The following DGKK variants were observed in gnomAD, a reference collection of about 807,000 sequenced individuals.
DGKK encodes 142 kDa diacylglycerol kinase.
A neutral mutation model predicts 92.2 loss-of-function variants in DGKK; 35 were observed. The observed-to-expected ratio is 0.38, with a 90% confidence interval of 0.29 to 0.50. The LOEUF (loss-of-function observed/expected upper bound fraction) is 0.50. Ranked by LOEUF, DGKK falls within the 20% of genes least tolerant of loss-of-function variation. The probability of loss-of-function intolerance (pLI) is 0.92; values close to 1 mark genes in which losing one functional copy is unlikely to be tolerated. For missense variants in DGKK, 910 were observed against 992.2 expected (o/e 0.92, Z 1.11); for synonymous variants, 368 against 360.6 (o/e 1.02, Z -0.23).
intron 4 of DGKK, among the ~76,000 whole-genome samples, chrX:50,407,898 T>C (rs1557227442): frequency 8.9e-6 from 1 of 112,272 alleles, no homozygotes; most frequent in Non-Finnish European, 1.9e-5. Context: ...AACTTGGACT[T>C]AAGGGTACAG....
At chrX:50,439,369 T>G (rs1926113753) in intron 1 of DGKK, among the ~76,000 whole-genome samples, 1 of 111,638 alleles carries the variant, frequency 9.0e-6, no homozygotes, top group African/African-American at 3.3e-5. Context: ...TCATTTAACT[T>G]AAAAACCTTT....
At chrX:50,434,917 G>A (rs1258863479) in intron 1 of DGKK, among the ~76,000 whole-genome samples, 1 of 111,672 alleles carries the variant, frequency 9.0e-6, no homozygotes, top group Non-Finnish European at 1.9e-5. Context: ...TGAGAAACAT[G>A]TCATTAGGCC....
rs1322184647 is a variant in DGKK at position 50,394,469 on chromosome X, G to C, written c.1412-1134C>G. Among the ~76,000 whole-genome samples, 3 of 111,978 alleles carry C rather than the reference G, an allele frequency of 2.7e-5. No homozygotes were observed. The East Asian group carries it at 8.4e-4, about 31-fold the overall frequency. Reference sequence around the variant, plus strand: ...GACTTGCCAGGACTCACAGCTACAAGGGGAGTCTTGTAGAAGCTGGGTCCC... The same window carrying C: ...GACTTGCCAGGACTCACAGCTACAACGGGAGTCTTGTAGAAGCTGGGTCCC... On this transcript the variant is annotated intron_variant, in intron 8 of 27. Coordinates refer to ENST00000611977, the MANE Select transcript of DGKK (RefSeq NM_001013742.4).
intron 7 of DGKK, among the ~76,000 whole-genome samples, chrX:50,402,697 T>A (rs1055663847): frequency 9.0e-6 from 1 of 111,628 alleles, no homozygotes; most frequent in Non-Finnish European, 1.9e-5. Flanking sequence ...CCATTTTTAA[T>A]TAATAAAGGT....
chrX:50,373,818 C>T lies in DGKK; in HGVS notation c.3501+1153G>A, dbSNP rs372883776. Among the ~76,000 whole-genome samples the T allele has an allele frequency of 1.1e-3, 124 of 112,402 alleles. 3 individuals carry two copies. The East Asian group carries it at 0.024, about 22-fold the overall frequency. On this transcript the variant is annotated intron_variant, in intron 25 of 27. Coordinates refer to ENST00000611977, the MANE Select transcript of DGKK (RefSeq NM_001013742.4). ...CCTAAAGTGGATGATCATAATTAGT[C>T]ACCTCATCAGAGCACACTCACCAAG...
intron 18 of DGKK, 73 bp downstream of exon 18, chrX:50,382,423 A>C: frequency 5.5e-6 from 4 of 732,022 alleles, no homozygotes; most frequent in Non-Finnish European, 8.0e-6. Flanking sequence ...TCTGAGAGGT[A>C]GAGAATGTAG....
chrX:50,417,257 A>T (rs1557228635), intron 4 of DGKK, among the ~76,000 whole-genome samples: 1 of 110,314 alleles, frequency 9.1e-6, no homozygotes, highest in Non-Finnish European at 1.9e-5. Flanking sequence ...TGAATGTTGG[A>T]AAGTTATTTC....
At chrX:50,450,219 G>A (rs1486517194) in intron 1 of DGKK, among the ~76,000 whole-genome samples, 1 of 112,364 alleles carries the variant, frequency 8.9e-6, no homozygotes, top group Non-Finnish European at 1.9e-5. Flanking sequence ...CTCATTTGCT[G>A]GAAGTCCAAG....
intron 1 of DGKK, among the ~76,000 whole-genome samples, chrX:50,468,098 G>A (rs1361392127): frequency 5.4e-5 from 6 of 112,099 alleles, no homozygotes; most frequent in African/African-American, 1.6e-4. Context: ...GCACTACGTA[G>A]AGGAAACTAA....
Position 50,458,498 on chromosome X carries a change from T to C in DGKK, c.645+11536A>G, listed in dbSNP as rs782223003. ...CATGTAATGTGGATAAAAGAGGGCC[T>C]GAAACAGCAGGAAAAGGATACTAGA... On this transcript the variant is annotated intron_variant, in intron 1 of 27. Transcript: ENST00000611977. Among the ~76,000 whole-genome samples the C allele has an allele frequency of 6.5e-5, 7 of 108,368 alleles. No homozygotes were observed. The South Asian group carries it at 2.9e-3, about 45-fold the overall frequency. The allele number at this position is 108,368 out of a possible 115,157, so 94.1% of individuals were successfully genotyped here.
intron 4 of DGKK, among the ~76,000 whole-genome samples, chrX:50,414,694 T>C (rs986524917): frequency 5.4e-5 from 6 of 111,779 alleles, no homozygotes; most frequent in African/African-American, 6.5e-5. Context: ...ATTCTCAGTC[T>C]GTCCACATTA....
At chrX:50,441,703 C>T (rs1257667158) in intron 1 of DGKK, among the ~76,000 whole-genome samples, 1 of 111,403 alleles carries the variant, frequency 9.0e-6, no homozygotes, top group East Asian at 2.8e-4. Context: ...TTCTCTTCCC[C>T]AAGTTTAAAA....
At chrX:50,418,350 T>C (rs782531984) in intron 4 of DGKK, among the ~76,000 whole-genome samples, 1 of 111,927 alleles carries the variant, frequency 8.9e-6, no homozygotes, top group Non-Finnish European at 1.9e-5. Flanking sequence ...GGAGCAAGTA[T>C]TGCATCTTTT....
intron 1 of DGKK, among the ~76,000 whole-genome samples, chrX:50,448,905 A>G (rs1320771526): frequency 9.0e-6 from 1 of 111,566 alleles, no homozygotes. Flanking sequence ...GTGCCTCTGT[A>G]TTCACCCTGA....
intron 17 of DGKK, among the ~76,000 whole-genome samples, 190 bp from the exon 18 acceptor site, chrX:50,382,793 G>A (rs1210854970): frequency 1.8e-5 from 2 of 111,865 alleles, no homozygotes; most frequent in Non-Finnish European, 3.8e-5. Context: ...CTTATTAGCT[G>A]TAAGAGGGAG....
chrX:50,457,209 C>T (rs1291351324), intron 1 of DGKK, among the ~76,000 whole-genome samples: 1 of 111,454 alleles, frequency 9.0e-6, no homozygotes, highest in Admixed American at 9.5e-5. Context: ...CCCAGTCTTG[C>T]AGCATTTTAG....
chrX:50,384,100 T>C (rs1924478367), intron 17 of DGKK, 68 bp downstream of exon 17: 2 of 702,865 alleles, frequency 2.8e-6, no homozygotes, highest in East Asian at 8.5e-5. Flanking sequence ...ACTATGGATA[T>C]CCTAAGATTG....
intron 1 of DGKK, among the ~76,000 whole-genome samples, chrX:50,457,650 T>G (rs1471187626): frequency 8.9e-6 from 1 of 112,080 alleles, no homozygotes; most frequent in Non-Finnish European, 1.9e-5. Flanking sequence ...ATGTGCTTCA[T>G]GTACAGTTTA....
At chrX:50,455,399 G>T (rs1265055426) in intron 1 of DGKK, among the ~76,000 whole-genome samples, 1 of 111,616 alleles carries the variant, frequency 9.0e-6, no homozygotes, top group South Asian at 3.7e-4. Flanking sequence ...ATTAAGTATA[G>T]GTACTTAATA....
Sources: gnomAD v4.1 joint callset for allele counts (sites outside exome capture counted in the v4.1 genomes callset) on GRCh38, gnomAD v4.1.1 for gene constraint, MANE v1.5 for transcripts, NCBI Gene and HGNC (gene_info 2026-07-23, HGNC 2026-07-21) for gene names.